PHF21B: variants seen among roughly 807,000 people sequenced by gnomAD.
PHF21B encodes PHD finger protein 4.
Under a neutral mutation model 62.2 loss-of-function variants are expected in PHF21B, and 22 were observed. The ratio of observed to expected loss-of-function variants is 0.35; its 90% CI spans 0.25 to 0.51. The LOEUF (loss-of-function observed/expected upper bound fraction) is 0.51, where lower values mean the gene tolerates loss of function less well. Among genes scored for constraint, PHF21B ranks in the 20% least tolerant of loss-of-function variants. The probability of loss-of-function intolerance (pLI) is 0.97; values close to 1 mark genes in which losing one functional copy is unlikely to be tolerated. For synonymous variants in PHF21B, 341 were observed against 314.7 expected (o/e 1.08, Z -0.88); for missense variants, 701 against 707.9 (o/e 0.99, Z 0.11).
chr22:44,958,874 C>T (rs2072358908), intron 2 of PHF21B, among the ~76,000 whole-genome samples: 1 of 152,142 alleles, frequency 6.6e-6, no homozygotes. Context: ...CTCCTGACCT[C>T]TGGTGATCTG....
intron 5 of PHF21B, chr22:44,901,595 G>A (rs1334657826): frequency 1.3e-5 from 4 of 318,566 alleles, no homozygotes; most frequent in Non-Finnish European, 2.3e-5. Context: ...TTGCAAGATG[G>A]TGAGAAGTTG....
chr22:44,922,261 C>T (rs1294482672), intron 2 of PHF21B, among the ~76,000 whole-genome samples: 6 of 152,304 alleles, frequency 3.9e-5, no homozygotes, highest in South Asian at 2.1e-4. Flanking sequence ...AACCGTATGC[C>T]GGCCTCAACA....
intron 2 of PHF21B, among the ~76,000 whole-genome samples, chr22:44,956,061 C>T (rs906661462): frequency 6.6e-6 from 1 of 152,200 alleles, no homozygotes; most frequent in Admixed American, 6.5e-5. Context: ...CCACAACGTC[C>T]AGCCATCAGC....
intron 2 of PHF21B, among the ~76,000 whole-genome samples, chr22:44,964,697 G>GTTCA (rs1035647693): frequency 6.6e-6 from 1 of 152,364 alleles, no homozygotes; most frequent in East Asian, 1.9e-4. Flanking sequence ...GGTCTACTCT[G>GTTCA]TTCATTCATT....
At chr22:44,933,602 A>G in intron 2 of PHF21B, 1 of 933,842 alleles carries the variant, frequency 1.1e-6, no homozygotes, top group Non-Finnish European at 1.3e-6. Flanking sequence ...GGCTACATAG[A>G]AGGGGTAAGC....
intron 3 of PHF21B, 32 bp downstream of exon 3, chr22:44,920,366 G>A: frequency 6.5e-7 from 1 of 1,549,666 alleles, no homozygotes; most frequent in Admixed American, 1.8e-5. Flanking sequence ...CAGACAGACG[G>A]ACACCCCAGG....
rs1234566319 is a variant in PHF21B at position 45,009,084 on chromosome 22, C to T, written c.54+412G>A. ...CCGCCACGCCGCCGCTCGCCAGCAGCGATCGCCAAAACTACTTCTGCACAC... is the reference window on the plus strand; with the variant it reads ...CCGCCACGCCGCCGCTCGCCAGCAGTGATCGCCAAAACTACTTCTGCACAC... On this transcript the variant is annotated intron_variant, in intron 1 of 12. Transcript: ENST00000313237. This position sits in a 1 kb window ranked among gnomAD's most constrained non-coding sequence, Gnocchi z 5.9. 5 of 1,095,718 alleles carry T rather than the reference C, an allele frequency of 4.6e-6. No homozygotes were observed. The highest frequency in any genetic ancestry group is 2.3e-6 in the Non-Finnish European group (2 of 886,832). The allele number at this position is 1,095,718 out of a possible 1,614,324, so 67.9% of individuals were successfully genotyped here. A position where few individuals can be genotyped will look rare whatever the true frequency, so the allele number is the denominator to read the frequency against.
chr22:44,983,965 G>C (rs867274256), intron 2 of PHF21B, among the ~76,000 whole-genome samples: 2 of 151,504 alleles, frequency 1.3e-5, no homozygotes, highest in East Asian at 4.0e-4. Flanking sequence ...GCCCCTTTCC[G>C]ACATGCCGAT....
intron 2 of PHF21B, among the ~76,000 whole-genome samples, chr22:44,945,546 TCCAGCC>T (rs541892273): frequency 1.3e-5 from 2 of 152,186 alleles, no homozygotes; most frequent in East Asian, 3.9e-4. Flanking sequence ...TTTCCCTGGC[TCCAGCC>T]CCAGCCCCAA....
At chr22:44,889,695 A>G in intron 9 of PHF21B, 65 bp downstream of exon 9, 2 of 1,541,876 alleles carry the variant, frequency 1.3e-6, no homozygotes, top group Non-Finnish European at 8.8e-7. Context: ...GAGGGACCCT[A>G]TGAGGACTGT....
intron 2 of PHF21B, among the ~76,000 whole-genome samples, chr22:44,921,414 T>G (rs1218577208): frequency 6.6e-6 from 1 of 151,924 alleles, no homozygotes; most frequent in African/African-American, 2.4e-5. Flanking sequence ...GTCCCCAGGC[T>G]GGAGTGCAGT....
intron 2 of PHF21B, among the ~76,000 whole-genome samples, chr22:44,927,285 C>T (rs567737560): frequency 5.3e-5 from 8 of 152,232 alleles, no homozygotes; most frequent in Admixed American, 6.5e-5. Flanking sequence ...GCGTGTCCCC[C>T]CAAAACTCCA....
intron 2 of PHF21B, among the ~76,000 whole-genome samples, chr22:44,952,883 G>A (rs2085856794): frequency 6.6e-6 from 1 of 152,198 alleles, no homozygotes; most frequent in African/African-American, 2.4e-5. Context: ...GCAGGATTCA[G>A]CCCCTGTGTC....
In PHF21B at chr22:44,888,126, A is replaced by G; in HGVS notation, c.1039-5T>C. 6.6e-7 allele frequency: 1 copy of G among 1,518,392 alleles called. No homozygotes were observed. Among genetic ancestry groups the G allele is most frequent in the Non-Finnish European group, 8.9e-7 (1 of 1,129,648 alleles). The allele number at this position is 1,518,392 out of a possible 1,614,324, so 94.1% of individuals were successfully genotyped here. A position where few individuals can be genotyped will look rare whatever the true frequency, so the allele number is the denominator to read the frequency against. ...CTCATCGTGGGTGATCTCGTTCTGG[A>G]AGAGAAGGGAGGGCAGGAGACAGGT... is the stretch of plus-strand genomic sequence containing the variant. On this transcript the variant is annotated splice_polypyrimidine_tract_variant and splice_region_variant and intron_variant, in intron 9 of 12. Transcript: ENST00000313237.
intron 2 of PHF21B, among the ~76,000 whole-genome samples, chr22:44,984,831 A>G (rs1331972633): frequency 1.3e-5 from 2 of 152,228 alleles, no homozygotes; most frequent in African/African-American, 4.8e-5. Flanking sequence ...GGCCAACACA[A>G]CTACAAGCCC....
At chr22:45,000,182 T>C (rs923523873) in intron 2 of PHF21B, among the ~76,000 whole-genome samples, 2 of 152,014 alleles carry the variant, frequency 1.3e-5, no homozygotes, top group Non-Finnish European at 1.5e-5. Context: ...GTCACACGCC[T>C]CTCGGAGACA....
intron 5 of PHF21B, among the ~76,000 whole-genome samples, chr22:44,909,789 G>A (rs1057343081): frequency 2.0e-5 from 3 of 152,226 alleles, no homozygotes; most frequent in African/African-American, 7.2e-5. Flanking sequence ...GTTCTCTGCT[G>A]GATCCTGGCA....
chr22:44,934,630 G>C (rs1323420814), intron 2 of PHF21B, among the ~76,000 whole-genome samples: 2 of 152,168 alleles, frequency 1.3e-5, no homozygotes, highest in Non-Finnish European at 2.9e-5. Flanking sequence ...GTAGGCACTG[G>C]GGCTCTAGGA....
chr22:44,920,463 C>A lies in PHF21B; in HGVS notation c.148G>T (p.Val50Phe). Residue 50 changes from valine (V) to phenylalanine (F), a missense_variant, in exon 3 of 13, where the codon GTC (valine) becomes TTC (phenylalanine). By Grantham distance (50) the Val-to-Phe change is conservative. Transcript: ENST00000313237. ...AAGGAGCTGACCTGAGGACCCGTGA[C>A]AGGCACTGCAGTGATCGTTCCCAAA... ...QALGTITAVP[V>F]TGPQVSSLQR... is the part of the protein sequence containing the mutation. 1 of 1,612,660 alleles carries A rather than the reference C, an allele frequency of 6.2e-7. No homozygotes were observed. The highest frequency in any genetic ancestry group is 8.5e-7 in the Non-Finnish European group (1 of 1,179,232).
Sources: allele counts gnomAD v4.1 joint callset (sites outside exome capture counted in the v4.1 genomes callset), GRCh38; gene constraint gnomAD v4.1.1; non-coding constraint Gnocchi (gnomAD v3.1); transcripts MANE v1.5; gene names NCBI Gene and HGNC (gene_info 2026-07-23, HGNC 2026-07-21).